Variants in ZNF875 observed in about 807,000 individuals in gnomAD.
ZNF875 encodes HKR1, GLI-Kruppel zinc finger family member.
In ZNF875, 14 loss-of-function variants were observed where a neutral mutation model predicts 11.2. The ratio of observed to expected loss-of-function variants is 1.26; its 90% confidence interval spans 0.83 to 1.96. The LOEUF is 1.96. Ranked by LOEUF, ZNF875 falls within the 30% of genes most tolerant of loss-of-function variation. The pLI, the probability that ZNF875 is intolerant of heterozygous loss-of-function variation, is 0.00. For missense variants in ZNF875, 752 were observed against 760.4 expected (o/e 0.99, Z 0.13); for synonymous variants, 301 against 281.1 (o/e 1.07, Z -0.71).
At chr19:37,352,061 G>C (rs2037992885) in intron 4 of ZNF875, among the ~76,000 whole-genome samples, 1 of 152,148 alleles carries the variant, frequency 6.6e-6, no homozygotes, top group Admixed American at 6.5e-5. Context: ...CTAAGGTTTT[G>C]ATTCATACAG....
At chr19:37,320,662 G>C (rs1371443858) in intron 1 of ZNF875, among the ~76,000 whole-genome samples, 1 of 152,168 alleles carries the variant, frequency 6.6e-6, no homozygotes, top group African/African-American at 2.4e-5. Flanking sequence ...CTGGGGTCTG[G>C]AACCATCTGG....
intron 2 of ZNF875, among the ~76,000 whole-genome samples, chr19:37,339,542 C>T (rs1314128353): frequency 7.7e-6 from 1 of 129,720 alleles, no homozygotes; most frequent in Admixed American, 8.9e-5. Context: ...TGAACCCTGC[C>T]AGTTTTTTTT....
At chr19:37,331,899 G>T (rs1014920546), upstream of ZNF875, among the ~76,000 whole-genome samples, 7 of 132,670 alleles carry the variant, frequency 5.3e-5, no homozygotes, top group African/African-American at 1.8e-4. Flanking sequence ...GAAGGCATCT[G>T]TCTCCTGCCC....
chr19:37,356,764 A>G (rs1353726287), intron 4 of ZNF875, among the ~76,000 whole-genome samples: 1 of 152,134 alleles, frequency 6.6e-6, no homozygotes. Flanking sequence ...GCTTTCTCCC[A>G]TTCTGTAGGT....
chr19:37,318,478 C>T (rs2030519058), intron 1 of ZNF875, among the ~76,000 whole-genome samples: 1 of 151,700 alleles, frequency 6.6e-6, no homozygotes, highest in Non-Finnish European at 1.5e-5. Context: ...TGGTGGTTGT[C>T]CTAACAGCAG....
upstream of ZNF875, among the ~76,000 whole-genome samples, chr19:37,332,962 ACTAT>A (rs1258949426): frequency 1.3e-5 from 2 of 152,232 alleles, no homozygotes; most frequent in Admixed American, 6.5e-5. Flanking sequence ...GCACTGAGTA[ACTAT>A]CACCTTTCAT....
At chr19:37,324,908 G>A (rs2032156696) in intron 4 of ZNF875, 1 of 152,312 alleles carries the variant, frequency 6.6e-6, no homozygotes, top group Non-Finnish European at 1.5e-5. Context: ...TGGAGTAGTT[G>A]GGACTACAGG....
upstream of ZNF875, among the ~76,000 whole-genome samples, chr19:37,316,011 G>C (rs2030164598): frequency 6.6e-6 from 1 of 152,132 alleles, no homozygotes; most frequent in Non-Finnish European, 1.5e-5. Flanking sequence ...TGATACTCAG[G>C]CACCAGTTTC....
intron 4 of ZNF875, among the ~76,000 whole-genome samples, chr19:37,357,179 A>G (rs1173481526): frequency 1.3e-5 from 2 of 152,184 alleles, no homozygotes; most frequent in African/African-American, 4.8e-5. Context: ...CCGTAGATCT[A>G]TATGTCTATT....
rs528094637 is a variant in ZNF875, at chr19:37,361,465, C to G, written c.257-644C>G. Among the ~76,000 whole-genome samples, 5 of 152,198 alleles carry G rather than the reference C, an allele frequency of 3.3e-5. No homozygotes were observed. In the East Asian group the frequency reaches 9.6e-4, roughly 29 times the overall value. ...TCTCCTTTTCCTTCTCCTCCTCCTC[C>G]TCCTTCTTCTTCCTTCCTTTCTCTT... On this transcript the variant is annotated intron_variant, in intron 4 of 4. Transcript: ENST00000392153.
intron 4 of ZNF875, among the ~76,000 whole-genome samples, chr19:37,352,566 C>CTCTT (rs1439062931): frequency 1.8e-4 from 27 of 152,138 alleles, no homozygotes; most frequent in African/African-American, 6.5e-4. Flanking sequence ...TTAATATTTA[C>CTCTT]TCTTTCCGTG....
upstream of ZNF875, among the ~76,000 whole-genome samples, chr19:37,331,610 A>T (rs1175795806): frequency 6.8e-6 from 1 of 147,468 alleles, no homozygotes; most frequent in African/African-American, 2.5e-5. Flanking sequence ...TGTTAAACAG[A>T]TGCTTGAAGG....
intron 4 of ZNF875, chr19:37,358,063 T>C (rs900645054): frequency 7.5e-6 from 3 of 398,090 alleles, no homozygotes; most frequent in African/African-American, 6.2e-5. Context: ...ATGCCTAGTT[T>C]GTTAAAGATT....
At chr19:37,339,617 G>C (rs774026653) in intron 2 of ZNF875, among the ~76,000 whole-genome samples, 7 of 141,326 alleles carry the variant, frequency 5.0e-5, no homozygotes, top group Non-Finnish European at 1.1e-4. Flanking sequence ...CTGGGATGCA[G>C]TGGTGCAATC....
intron 2 of ZNF875, among the ~76,000 whole-genome samples, chr19:37,346,079 A>G (rs2036701967): frequency 6.6e-6 from 1 of 152,196 alleles, no homozygotes; most frequent in African/African-American, 2.4e-5. Flanking sequence ...CTGATGTCTT[A>G]GTGGGAAGTC....
At chr19:37,328,705 AGACT>A (rs1568569450) in intron 4 of ZNF875, 2 of 152,220 alleles carry the variant, frequency 1.3e-5, no homozygotes, top group Admixed American at 6.5e-5. Context: ...CAACACAAAC[AGACT>A]AAGACAGGGA....
At chr19:37,331,410 G>A (rs2033375368), upstream of ZNF875, among the ~76,000 whole-genome samples, 1 of 151,834 alleles carries the variant, frequency 6.6e-6, no homozygotes, top group South Asian at 2.1e-4. Flanking sequence ...AAGCAAGAGA[G>A]ATCAGATTGT....
upstream of ZNF875, chr19:37,317,807 T>A (rs2030340275): frequency 6.6e-6 from 1 of 152,408 alleles, no homozygotes; most frequent in Admixed American, 6.5e-5. Flanking sequence ...TCCTTTTGTG[T>A]TGCCTGGAAA....
intron 4 of ZNF875, chr19:37,358,103 C>T (rs1349353453): frequency 8.2e-6 from 3 of 365,186 alleles, no homozygotes; most frequent in Non-Finnish European, 1.4e-5. Flanking sequence ...GGATTTTATC[C>T]GATGCTTTTT....
Sources: gnomAD v4.1 joint callset for allele counts (sites outside exome capture counted in the v4.1 genomes callset) on GRCh38, gnomAD v4.1.1 for gene constraint, MANE v1.5 for transcripts, NCBI Gene and HGNC (gene_info 2026-07-23, HGNC 2026-07-21) for gene names.